CTNNA3: variants seen among roughly 807,000 people sequenced by gnomAD.
The protein encoded by CTNNA3 is catenin alpha-3.
CTNNA3 carries 76 observed loss-of-function variants against 95.7 expected under a neutral mutation model. That is an observed-to-expected ratio of 0.79 (90% CI 0.66 to 0.96). The LOEUF (loss-of-function observed/expected upper bound fraction) is 0.96, where lower values mean the gene tolerates loss of function less well. Ranked by LOEUF, CTNNA3 falls within the 40% of genes least tolerant of loss-of-function variation. The pLI is 0.00. For missense variants in CTNNA3, 1,191 were observed against 1,089.8 expected (o/e 1.09, Z -1.31); for synonymous variants, 431 against 374.4 (o/e 1.15, Z -1.74).
In CTNNA3 at chr10:66,018,187, TAC is replaced by T. The variant is rs59373779; in HGVS notation, c.2160-29392_2160-29391del. Among the ~76,000 whole-genome samples, 628 of 142,064 alleles carry T rather than the reference TAC, an allele frequency of 4.4e-3. 1 individual carries two copies. Among genetic ancestry groups the T allele is most frequent in the Middle Eastern group, 0.014 (4 of 280 alleles). The allele number at this position is 142,064 out of a possible 152,430, so 93.2% of individuals were successfully genotyped here. A position where few individuals can be genotyped will look rare whatever the true frequency, so the allele number is the denominator to read the frequency against. ...GTTCTATATGAGGATACAGCTCAAA[TAC>T]ACACACACACACACACACACACACA... On this transcript the variant is annotated intron_variant, in intron 15 of 17. Coordinates refer to ENST00000433211, the MANE Select transcript of CTNNA3 (RefSeq NM_013266.4).
intron 7 of CTNNA3, among the ~76,000 whole-genome samples, chr10:67,170,605 T>C (rs1861977179): frequency 1.3e-5 from 2 of 152,156 alleles, no homozygotes; most frequent in South Asian, 2.1e-4. Flanking sequence ...CAGTAAACAC[T>C]GGACTCTTCT....
intron 9 of CTNNA3, among the ~76,000 whole-genome samples, chr10:66,742,287 T>G (rs1178213688): frequency 1.3e-5 from 2 of 152,202 alleles, no homozygotes; most frequent in African/African-American, 4.8e-5. Context: ...CCAGGCTTAT[T>G]AGGATCAGGA....
chr10:66,086,254 G>A (rs1476614559), intron 14 of CTNNA3, among the ~76,000 whole-genome samples: 1 of 152,032 alleles, frequency 6.6e-6, no homozygotes, highest in Non-Finnish European at 1.5e-5. Context: ...GTCTATAAAT[G>A]AGCACAAAAG....
rs1433635562 is a variant in CTNNA3, at chr10:67,579,377, A to C, written c.292+27480T>G. Among the ~76,000 whole-genome samples, 5 of 152,250 alleles carry C rather than the reference A, an allele frequency of 3.3e-5. No homozygotes were observed. The East Asian group carries it at 7.7e-4, about 24-fold the overall frequency. On this transcript the variant is annotated intron_variant, in intron 3 of 17. Coordinates refer to ENST00000433211, the MANE Select transcript of CTNNA3 (RefSeq NM_013266.4). ...CTTCATCCATGTCCCTACAAAGGAC[A>C]TCAACCCATCCTTTTTTATGGCTGC...
chr10:66,468,494 A>G (rs1433652632), intron 11 of CTNNA3, among the ~76,000 whole-genome samples: 1 of 151,956 alleles, frequency 6.6e-6, no homozygotes, highest in African/African-American at 2.4e-5. Context: ...ATGCTGGTCA[A>G]GGTGTACAAA....
At chr10:66,829,842 C>T (rs1399010707) in intron 7 of CTNNA3, among the ~76,000 whole-genome samples, 1 of 81,980 alleles carries the variant, frequency 1.2e-5, no homozygotes, top group Non-Finnish European at 2.8e-5. Flanking sequence ...TTTTAACAAG[C>T]TCCCCAGGGG....
chr10:66,316,326 T>G (rs1589075775), intron 12 of CTNNA3, among the ~76,000 whole-genome samples: 3 of 152,248 alleles, frequency 2.0e-5, no homozygotes, highest in Admixed American at 2.0e-4. Flanking sequence ...GTGGGCTCCC[T>G]GAGCACTTTT....
intron 6 of CTNNA3, among the ~76,000 whole-genome samples, chr10:67,190,337 C>A (rs1418511335): frequency 1.3e-5 from 2 of 151,808 alleles, no homozygotes; most frequent in Non-Finnish European, 2.9e-5. Context: ...AACGAGCACA[C>A]AACAACACTT....
Position 67,521,873 on chromosome 10 carries a change from T to A in CTNNA3, c.548A>T (p.Asn183Ile). The change falls in exon 5 of 18, where the codon AAT becomes ATT. Residue 183 changes from asparagine to isoleucine, a missense_variant. Coordinates refer to ENST00000433211, the MANE Select transcript of CTNNA3 (RefSeq NM_013266.4). The part of the protein sequence containing the change: ...TYQKLGKELE[N>I]LDYLAFKRQQ... Reference sequence around the variant, plus strand: ...ACGTTTGAAGGCTAAATAATCCAAATTTTCCAGCTCCTTCCCAAGCTTCTG... The same window carrying A: ...ACGTTTGAAGGCTAAATAATCCAAAATTTCCAGCTCCTTCCCAAGCTTCTG... 1 of 1,612,958 alleles carries A rather than the reference T, an allele frequency of 6.2e-7. No individual in the cohort carries two copies. The highest frequency in any genetic ancestry group is 8.5e-7 in the Non-Finnish European group (1 of 1,179,226).
intron 7 of CTNNA3, among the ~76,000 whole-genome samples, chr10:66,822,665 T>C (rs1455049062): frequency 6.6e-6 from 1 of 152,210 alleles, no homozygotes; most frequent in African/African-American, 2.4e-5. Flanking sequence ...CTTCACTATT[T>C]TTAACGAAAG....
intron 11 of CTNNA3, among the ~76,000 whole-genome samples, chr10:66,440,599 C>T (rs1156476744): frequency 6.6e-6 from 1 of 152,142 alleles, no homozygotes; most frequent in African/African-American, 2.4e-5. Flanking sequence ...TATACACTAC[C>T]CATCTGACTC....
rs557476156 is a variant in CTNNA3, at chr10:67,415,587, A to G, written c.579+106255T>C. ...GACCATACTGCCTAAAGCAATTTAC[A>G]GTTACTGCTATTCCTGTCAAACTAC... On this transcript the variant is annotated intron_variant, in intron 5 of 17. Transcript: ENST00000433211. Among the ~76,000 whole-genome samples, 60 of 152,354 alleles carry G rather than the reference A, an allele frequency of 3.9e-4. 1 individual carries two copies. Among genetic ancestry groups the G allele is most frequent in the African/African-American group, 1.0e-3 (43 of 41,582 alleles).
At chr10:67,074,402 G>C (rs1033020492) in intron 7 of CTNNA3, among the ~76,000 whole-genome samples, 2 of 125,514 alleles carry the variant, frequency 1.6e-5, no homozygotes, top group Non-Finnish European at 3.2e-5. Flanking sequence ...CCAGGCTGAA[G>C]TGCAGTGGCA....
chr10:67,495,063 T>C (rs914835740), intron 5 of CTNNA3, among the ~76,000 whole-genome samples: 1 of 152,218 alleles, frequency 6.6e-6, no homozygotes, highest in Non-Finnish European at 1.5e-5. Flanking sequence ...GCATTCTGTA[T>C]TATTTTATCT....
At chr10:67,346,140 C>T (rs2132628938) in intron 5 of CTNNA3, among the ~76,000 whole-genome samples, 1 of 152,138 alleles carries the variant, frequency 6.6e-6, no homozygotes, top group South Asian at 2.1e-4. Context: ...TACTTTGTTC[C>T]CTCACTTTTT....
chr10:66,346,246 T>TATATATAGAGAG (rs1416945569), intron 12 of CTNNA3, among the ~76,000 whole-genome samples: 22 of 27,770 alleles, frequency 7.9e-4, no homozygotes, highest in Non-Finnish European at 1.4e-3. Flanking sequence ...TATATATATA[T>TATATATAGAGAG]AGAGAGAGAG....
At chr10:67,567,387 T>C (rs1841844222) in intron 3 of CTNNA3, among the ~76,000 whole-genome samples, 1 of 151,898 alleles carries the variant, frequency 6.6e-6, no homozygotes, top group African/African-American at 2.4e-5. Flanking sequence ...CTAAAAATTG[T>C]GTATAAATGA....
intron 3 of CTNNA3, among the ~76,000 whole-genome samples, chr10:67,596,937 T>C (rs1234839306): frequency 6.6e-6 from 1 of 152,234 alleles, no homozygotes; most frequent in East Asian, 1.9e-4. Context: ...CATAATCCCA[T>C]ATTTCTCAGA....
intron 13 of CTNNA3, among the ~76,000 whole-genome samples, chr10:66,104,042 T>C (rs2081776891): frequency 1.3e-5 from 2 of 152,224 alleles, no homozygotes; most frequent in African/African-American, 4.8e-5. Context: ...ATTAAAATCA[T>C]ATATCATCAA....
Sources: allele counts gnomAD v4.1 joint callset (sites outside exome capture counted in the v4.1 genomes callset), GRCh38; gene constraint gnomAD v4.1.1; transcripts MANE v1.5; gene names NCBI Gene and HGNC (gene_info 2026-07-23, HGNC 2026-07-21).